The following SS18 variants were observed in gnomAD, a reference collection of about 807,000 sequenced individuals.
SS18 encodes protein SSXT.
SS18 carries 28 observed loss-of-function variants against 72.5 expected under a neutral mutation model. The observed-to-expected ratio is 0.39, with a 90% CI of 0.29 to 0.53. The LOEUF is 0.53. Among genes scored for constraint, SS18 ranks in the 20% least tolerant of loss-of-function variants. The probability of loss-of-function intolerance (pLI) is 0.76; values close to 1 mark genes in which losing one functional copy is unlikely to be tolerated. For missense variants in SS18, 518 were observed against 535.3 expected, an observed-to-expected ratio of 0.97 and a Z score of 0.32; for synonymous variants, 172 against 164.2, an observed-to-expected ratio of 1.05 and a Z score of -0.37.
At chr18:26,054,099 A>G (rs1487774508) in intron 4 of SS18, among the ~76,000 whole-genome samples, 1 of 152,168 alleles carries the variant, frequency 6.6e-6, no homozygotes, top group African/African-American at 2.4e-5. Context: ...TCTCTACATT[A>G]CATGTACTGC....
intron 5 of SS18, among the ~76,000 whole-genome samples, chr18:26,050,510 A>G (rs2053902673): frequency 6.6e-6 from 1 of 152,102 alleles, no homozygotes; most frequent in African/African-American, 2.4e-5. Flanking sequence ...CATTAATAAA[A>G]CTCACCATGA....
At chr18:26,043,415 C>T (rs993571400) in intron 5 of SS18, among the ~76,000 whole-genome samples, 4 of 152,150 alleles carry the variant, frequency 2.6e-5, no homozygotes, top group African/African-American at 9.7e-5. Flanking sequence ...ATACCCTCCT[C>T]AGGCCTATTT....
At chr18:26,047,558 C>T (rs968048490) in intron 5 of SS18, among the ~76,000 whole-genome samples, 5 of 152,124 alleles carry the variant, frequency 3.3e-5, no homozygotes, top group African/African-American at 1.2e-4. Context: ...TAAATTCCAG[C>T]CGGGCGTGGT....
intron 5 of SS18, among the ~76,000 whole-genome samples, chr18:26,048,957 G>A (rs561571673): frequency 1.3e-5 from 2 of 152,266 alleles, no homozygotes; most frequent in Non-Finnish European, 2.9e-5. Context: ...ATTTTTACAT[G>A]CATCATTTCA....
intron 6 of SS18, 133 bp downstream of exon 6, chr18:26,039,156 C>G: frequency 4.0e-6 from 3 of 757,324 alleles, no homozygotes; most frequent in South Asian, 5.3e-5. Context: ...TTACTAGAAC[C>G]CTACCTTTTG....
intron 10 of SS18, among the ~76,000 whole-genome samples, 178 bp from the exon 11 acceptor site, chr18:26,018,558 T>C (rs1322905751): frequency 6.6e-6 from 1 of 152,222 alleles, no homozygotes; most frequent in Non-Finnish European, 1.5e-5. Flanking sequence ...CTTCTGATAT[T>C]ATATTCAATT....
intron 3 of SS18, among the ~76,000 whole-genome samples, chr18:26,058,478 C>A (rs960101244): frequency 2.6e-5 from 4 of 152,332 alleles, no homozygotes; most frequent in East Asian, 3.8e-4. Context: ...TCGCTCCAAT[C>A]CCCCATTTTT....
intron 3 of SS18, among the ~76,000 whole-genome samples, chr18:26,064,038 A>C (rs2054171191): frequency 6.6e-6 from 1 of 152,138 alleles, no homozygotes; most frequent in Admixed American, 6.5e-5. Context: ...CTTTATGATA[A>C]TGTATTTAAT....
Position 26,035,251 on chromosome 18 carries a change from T to A in SS18, c.974-124A>T. ...AAATGCCATATTGATTTTTAGAAGTTAACAAAACAAAGAAAAAACTCAAAC... is the reference window on the plus strand; with the variant it reads ...AAATGCCATATTGATTTTTAGAAGTAAACAAAACAAAGAAAAAACTCAAAC... On this transcript the variant is annotated intron_variant, in intron 8 of 10. Transcript: ENST00000415083. The surrounding 1 kb of genome is among the most constrained non-coding windows in gnomAD (Gnocchi z 4.4). 1.6e-6 allele frequency: 2 copies of A among 1,228,898 alleles called. No homozygotes were observed. The highest frequency in any genetic ancestry group is 1.7e-5 in the South Asian group (1 of 59,530). 76.1% of individuals were successfully genotyped at this position (1,228,898 alleles called of 1,614,324 possible).
chr18:26,019,227 T>C (rs1045291856), intron 10 of SS18, among the ~76,000 whole-genome samples: 3 of 152,212 alleles, frequency 2.0e-5, no homozygotes, highest in Non-Finnish European at 4.4e-5. Context: ...CTATGAAATA[T>C]GTATTTTATT....
chr18:26,032,350 G>A (rs755077606), intron 10 of SS18, 49 bp downstream of exon 10: 13 of 1,596,578 alleles, frequency 8.1e-6, no homozygotes, highest in South Asian at 1.1e-5. Context: ...TCACCTAATC[G>A]AGAGTGAAGA....
chr18:26,051,000 A>T (rs1276158610), intron 5 of SS18, among the ~76,000 whole-genome samples: 2 of 152,122 alleles, frequency 1.3e-5, no homozygotes, highest in African/African-American at 2.4e-5. Flanking sequence ...ATCTCTTCAG[A>T]TCTCTACCTG....
intron 10 of SS18, among the ~76,000 whole-genome samples, chr18:26,024,250 G>C (rs2053406295): frequency 6.6e-6 from 1 of 152,180 alleles, no homozygotes; most frequent in Non-Finnish European, 1.5e-5. Flanking sequence ...AGTTAAAGGG[G>C]AATGAGGAGT....
At position 26,018,014 on chromosome 18, in the gene SS18, C is replaced by G. The variant is rs759348623; in HGVS notation, c.*340G>C. 7.8e-6 allele frequency: 2 copies of G among 256,222 alleles called. No individual in the cohort carries two copies. Among genetic ancestry groups the G allele is most frequent in the South Asian group, 2.9e-4 (2 of 6,966 alleles). 15.9% of individuals were successfully genotyped at this position (256,222 alleles called of 1,614,324 possible). A position where few individuals can be genotyped will look rare whatever the true frequency, so the allele number is the denominator to read the frequency against. On this transcript the variant is annotated 3_prime_UTR_variant, in exon 11 of 11. Transcript: ENST00000415083. Reference sequence around the variant, plus strand: ...AATCTGTGGAAAAGTATTAAATTCCCTTACCCTTCATAAACATACAAAGCT... The same window carrying G: ...AATCTGTGGAAAAGTATTAAATTCCGTTACCCTTCATAAACATACAAAGCT...
At chr18:26,085,995 T>G (rs1004222643) in intron 2 of SS18, 1 of 151,808 alleles carries the variant, frequency 6.6e-6, no homozygotes, top group African/African-American at 2.4e-5. Flanking sequence ...GCCCTCAGTA[T>G]CCACAGATTC....
At chr18:26,084,816 A>T (rs1272262535) in intron 2 of SS18, among the ~76,000 whole-genome samples, 1 of 152,236 alleles carries the variant, frequency 6.6e-6, no homozygotes, top group Non-Finnish European at 1.5e-5. Context: ...AGGAGACAAG[A>T]CAAATACAAC....
At chr18:26,060,770 C>CCAAAAAAAAAAAAAAAAAAAA (rs2054105677) in intron 3 of SS18, among the ~76,000 whole-genome samples, 1 of 5,734 alleles carries the variant, frequency 1.7e-4, no homozygotes, top group African/African-American at 3.4e-4. Context: ...ACTAAAAATA[C>CCAAAAAAAAAAAAAAAAAAAA]CAAAAAAAAA....
chr18:26,038,579 T>C lies in SS18; in HGVS notation c.856A>G (p.Met286Val). ...CCATCAGGGTAATATTGCTGGTTCA[T>C]GCCTTCTGGAGGACCTTGTCCACCA... ...SHGGQGPPEGMNQQYYPDGHN... is the reference protein window; with the variant it reads ...SHGGQGPPEGVNQQYYPDGHN... The change falls in exon 7 of 11, where the codon ATG becomes GTG. Residue 286 changes from methionine (M) to valine (V), a missense_variant. Met to Val is a conservative substitution (Grantham distance 21). Transcript: ENST00000415083. 1.2e-6 allele frequency: 2 copies of C among 1,613,488 alleles called. No individual in the cohort carries two copies. Among genetic ancestry groups the C allele is most frequent in the Non-Finnish European group, 1.7e-6 (2 of 1,179,514 alleles).
intron 3 of SS18, among the ~76,000 whole-genome samples, chr18:26,074,012 T>C (rs1011445484): frequency 6.6e-6 from 1 of 152,152 alleles, no homozygotes; most frequent in Non-Finnish European, 1.5e-5. Context: ...GAACTTGGAA[T>C]GTGCAAACTT....
Sources: allele counts gnomAD v4.1 joint callset (sites outside exome capture counted in the v4.1 genomes callset), GRCh38; gene constraint gnomAD v4.1.1; non-coding constraint Gnocchi (gnomAD v3.1); transcripts MANE v1.5; gene names NCBI Gene and HGNC (gene_info 2026-07-23, HGNC 2026-07-21).